Variants in ARL15 observed in about 807,000 individuals in gnomAD.
ARL15 encodes the protein ARF like GTPase 15.
In ARL15, 19 loss-of-function variants were observed where a neutral mutation model predicts 25.2. The observed-to-expected ratio is 0.75, with a 90% CI of 0.53 to 1.10. The LOEUF is 1.10. ARL15 is among the 50% of genes least tolerant of loss of function. The pLI is 0.00. For missense variants in ARL15, 220 were observed against 246.0 expected (o/e 0.89, Z 0.71); for synonymous variants, 94 against 86.8 (o/e 1.08, Z -0.46).
chr5:54,037,559 C>T (rs1267593074), intron 4 of ARL15, among the ~76,000 whole-genome samples: 1 of 151,998 alleles, frequency 6.6e-6, no homozygotes, highest in African/African-American at 2.4e-5. Context: ...ATGCCTCCAC[C>T]CTAATTATCA....
At chr5:54,187,363 G>A (rs1198951079) in intron 1 of ARL15, among the ~76,000 whole-genome samples, 2 of 152,162 alleles carry the variant, frequency 1.3e-5, no homozygotes, top group Admixed American at 6.5e-5. Context: ...CCAAGTTCTT[G>A]TGGGATTTTC....
At chr5:54,296,217 G>A (rs1278637308) in intron 1 of ARL15, among the ~76,000 whole-genome samples, 10 of 152,156 alleles carry the variant, frequency 6.6e-5, no homozygotes, top group Admixed American at 6.5e-4. Context: ...GCTGGTAGGG[G>A]GAAAATGAAT....
rs543187037 is a variant in ARL15 at position 54,009,588 on chromosome 5, C to T, written c.462+103614G>A. Among the ~76,000 whole-genome samples, 7 of 152,288 alleles carry T rather than the reference C, an allele frequency of 4.6e-5. No homozygotes were observed. In the East Asian group the frequency reaches 1.2e-3, roughly 25 times the overall value. Reference sequence around the variant, plus strand: ...TTCCTGCTTACAACACTATGGACTGCGAATATTGTGCACAAACTCTTTTGT... The same window carrying T: ...TTCCTGCTTACAACACTATGGACTGTGAATATTGTGCACAAACTCTTTTGT... On this transcript the variant is annotated intron_variant, in intron 4 of 4. Transcript: ENST00000504924.
intron 1 of ARL15, among the ~76,000 whole-genome samples, chr5:54,175,665 T>C (rs1329288760): frequency 6.8e-6 from 1 of 147,044 alleles, no homozygotes; most frequent in African/African-American, 2.6e-5. Flanking sequence ...TCTCTTTTTT[T>C]TTTTTTTAAG....
chr5:53,954,856 T>A (rs1452387307), intron 4 of ARL15, among the ~76,000 whole-genome samples: 1 of 152,038 alleles, frequency 6.6e-6, no homozygotes, highest in Non-Finnish European at 1.5e-5. Context: ...GGAAAGAGCA[T>A]CGATCTAATT....
At position 54,310,550 on chromosome 5, in the gene ARL15, G is replaced by C; in HGVS notation, c.-71C>G. ...AAGCAGCGTCTCTGGCTGCGAGCGA[G>C]CAGCTCCTGAAAAAGCCAGCAACAG... On this transcript the variant is annotated 5_prime_UTR_variant, in exon 1 of 5. Coordinates refer to ENST00000504924, the MANE Select transcript of ARL15 (RefSeq NM_019087.3). 5 of 1,517,888 alleles carry C rather than the reference G, an allele frequency of 3.3e-6. No homozygotes were observed. The highest frequency in any genetic ancestry group is 4.5e-6 in the Non-Finnish European group (5 of 1,121,618). The allele number at this position is 1,517,888 out of a possible 1,614,324, so 94.0% of individuals were successfully genotyped here.
intron 4 of ARL15, among the ~76,000 whole-genome samples, chr5:54,095,219 T>C (rs1455782687): frequency 1.3e-5 from 2 of 152,068 alleles, no homozygotes; most frequent in African/African-American, 4.8e-5. Flanking sequence ...TAAGAGGTAT[T>C]AAAAAAAGGA....
chr5:54,173,909 T>A (rs1754788905), intron 1 of ARL15, among the ~76,000 whole-genome samples: 1 of 152,088 alleles, frequency 6.6e-6, no homozygotes. Flanking sequence ...GCATCTAATA[T>A]GCTGTTCCTT....
chr5:54,266,490 A>G lies in ARL15; in HGVS notation c.48+43942T>C, dbSNP rs542849184. Among the ~76,000 whole-genome samples the G allele has an allele frequency of 6.5e-4, 99 of 152,310 alleles. 1 individual carries two copies. The highest frequency in any genetic ancestry group is 2.3e-3 in the African/African-American group (97 of 41,564). On this transcript the variant is annotated intron_variant, in intron 1 of 4. Transcript: ENST00000504924. ...TATGTCCCTGCTTTTGGATTTCATG[A>G]GAAATCCCAGAAACCGGAAAAATCT... is the stretch of plus-strand genomic sequence containing the variant.
At chr5:53,961,495 CAA>C (rs10589852) in intron 4 of ARL15, among the ~76,000 whole-genome samples, 2,004 of 68,824 alleles carry the variant, frequency 0.029, 14 homozygotes, top group African/African-American at 0.088. Context: ...GACTCTGTCT[CAA>C]AAAAAAAAAA....
intron 4 of ARL15, among the ~76,000 whole-genome samples, chr5:53,946,708 C>T (rs1026883295): frequency 4.6e-5 from 7 of 152,066 alleles, no homozygotes; most frequent in Admixed American, 3.9e-4. Flanking sequence ...CTATCATTAA[C>T]AGCCCCCAAT....
chr5:53,902,456 C>A (rs926013112), intron 4 of ARL15, among the ~76,000 whole-genome samples: 10 of 152,286 alleles, frequency 6.6e-5, no homozygotes, highest in African/African-American at 2.4e-4. Context: ...TTTATACACA[C>A]AAGGTTATTT....
intron 4 of ARL15, among the ~76,000 whole-genome samples, chr5:53,913,059 G>A (rs1057467346): frequency 2.0e-5 from 3 of 152,150 alleles, no homozygotes; most frequent in South Asian, 2.1e-4. Context: ...CAGCACTTTC[G>A]GAGGCTGACG....
At chr5:53,977,605 C>T (rs1747982944) in intron 4 of ARL15, among the ~76,000 whole-genome samples, 1 of 151,938 alleles carries the variant, frequency 6.6e-6, no homozygotes, top group South Asian at 2.1e-4. Flanking sequence ...GCAATTTTGC[C>T]AGAACAAACT....
chr5:54,043,959 G>A (rs1388732325), intron 4 of ARL15, among the ~76,000 whole-genome samples: 1 of 152,054 alleles, frequency 6.6e-6, no homozygotes, highest in Non-Finnish European at 1.5e-5. Context: ...TGAGGCTGCA[G>A]TGAGCCATGT....
chr5:54,114,007 T>C (rs914469679), intron 3 of ARL15, among the ~76,000 whole-genome samples: 1 of 152,186 alleles, frequency 6.6e-6, no homozygotes, highest in African/African-American at 2.4e-5. Flanking sequence ...CTGTTTGGCT[T>C]CATAACCCAT....
intron 4 of ARL15, among the ~76,000 whole-genome samples, chr5:53,979,595 C>G (rs994194051): frequency 6.6e-6 from 1 of 152,048 alleles, no homozygotes; most frequent in South Asian, 2.1e-4. Context: ...ACTATAGCAA[C>G]CTCTTTTAAT....
rs143439505 is a variant in ARL15 at position 54,020,119 on chromosome 5, C to T, written c.462+93083G>A. 1.6e-3 allele frequency among the ~76,000 whole-genome samples: 238 copies of T among 152,320 alleles called. 1 individual carries two copies. Among genetic ancestry groups the T allele is most frequent in the Middle Eastern group, 3.4e-3 (1 of 294 alleles). ...TAAAGTTACTTATAATTGGAAATAT[C>T]TGAAATATTAAAATGAGATTTTAAA... On this transcript the variant is annotated intron_variant, in intron 4 of 4. Coordinates refer to ENST00000504924, the MANE Select transcript of ARL15 (RefSeq NM_019087.3).
chr5:54,298,891 T>C (rs959179923), intron 1 of ARL15, among the ~76,000 whole-genome samples: 54 of 59,466 alleles, frequency 9.1e-4, no homozygotes, highest in Middle Eastern at 8.8e-3. Context: ...GTTGGTTTTT[T>C]GGTTTTTTTT....
Sources: gnomAD v4.1 joint callset for allele counts (sites outside exome capture counted in the v4.1 genomes callset) on GRCh38, gnomAD v4.1.1 for gene constraint, MANE v1.5 for transcripts, NCBI Gene and HGNC (gene_info 2026-07-23, HGNC 2026-07-21) for gene names.